Variants in CNTNAP2 observed in about 807,000 individuals in gnomAD.
The protein encoded by CNTNAP2 is contactin associated protein 2.
In CNTNAP2, 98 loss-of-function variants were observed where a neutral mutation model predicts 155.2. That is an observed-to-expected ratio of 0.63 (90% CI 0.54 to 0.75). The LOEUF (loss-of-function observed/expected upper bound fraction) is 0.75, where lower values mean the gene tolerates loss of function less well. CNTNAP2 is among the 30% of genes least tolerant of loss of function. CNTNAP2 has a pLI of 0.00. For synonymous variants in CNTNAP2, 651 were observed against 631.2 expected (o/e 1.03, Z -0.47); for missense variants, 1,727 against 1,688.1 (o/e 1.02, Z -0.40).
intron 1 of CNTNAP2, among the ~76,000 whole-genome samples, chr7:146,432,199 A>C (rs934850041): frequency 3.3e-5 from 5 of 152,180 alleles, no homozygotes; most frequent in African/African-American, 1.2e-4. Context: ...AACATATTTG[A>C]ATCAGATGAT....
chr7:147,600,102 C>T (rs539159663), intron 12 of CNTNAP2, among the ~76,000 whole-genome samples: 1 of 152,328 alleles, frequency 6.6e-6, no homozygotes, highest in African/African-American at 2.4e-5. Context: ...ATGCTTTCCT[C>T]ATGCAGGAAA....
At position 147,384,850 on chromosome 7, in the gene CNTNAP2, A is replaced by T. The variant is rs945246334; in HGVS notation, c.1499-10759A>T. On this transcript the variant is annotated intron_variant, in intron 9 of 23. Coordinates refer to ENST00000361727, the MANE Select transcript of CNTNAP2 (RefSeq NM_014141.6). ...CCACTACTGTACCCTTCACCCAGAGACCTCCTTCAACGTTTGTTACTTGTT... is the reference window on the plus strand; with the variant it reads ...CCACTACTGTACCCTTCACCCAGAGTCCTCCTTCAACGTTTGTTACTTGTT... Among the ~76,000 whole-genome samples, 4 of 152,070 alleles carry T rather than the reference A, an allele frequency of 2.6e-5. No homozygotes were observed. In the South Asian group the frequency reaches 8.3e-4, roughly 32 times the overall value.
At chr7:147,331,741 A>T (rs1044014224) in intron 9 of CNTNAP2, among the ~76,000 whole-genome samples, 5 of 152,212 alleles carry the variant, frequency 3.3e-5, no homozygotes, top group African/African-American at 1.2e-4. Flanking sequence ...ATAAAGACTC[A>T]TCGAGATTAC....
At chr7:146,896,104 T>G (rs773043813) in intron 3 of CNTNAP2, among the ~76,000 whole-genome samples, 1 of 152,054 alleles carries the variant, frequency 6.6e-6, no homozygotes, top group Non-Finnish European at 1.5e-5. Flanking sequence ...TGCAGACAAA[T>G]TTAAATCTGA....
intron 3 of CNTNAP2, among the ~76,000 whole-genome samples, chr7:146,920,510 G>A (rs1796479232): frequency 6.6e-6 from 1 of 151,304 alleles, no homozygotes; most frequent in African/African-American, 2.4e-5. Context: ...ATCACTTTTT[G>A]TCCCATAAAT....
intron 22 of CNTNAP2, among the ~76,000 whole-genome samples, chr7:148,395,121 C>CG (rs1423004742): frequency 2.4e-5 from 3 of 123,980 alleles, no homozygotes; most frequent in African/African-American, 1.2e-4. Context: ...TTCTGTTGAC[C>CG]CCCCCCCCTT....
In CNTNAP2 at chr7:147,018,117, T is replaced by C. The variant is rs1470780171; in HGVS notation, c.403-25790T>C. Among the ~76,000 whole-genome samples the C allele has an allele frequency of 5.3e-5, 8 of 152,258 alleles. No homozygotes were observed. The East Asian group carries it at 1.5e-3, about 29-fold the overall frequency. On this transcript the variant is annotated intron_variant, in intron 3 of 23. Coordinates refer to ENST00000361727, the MANE Select transcript of CNTNAP2 (RefSeq NM_014141.6). ...TGTAAACAAGTTTGTTAGATAATTC[T>C]TCAGTATGATAAGGCACTTAGTAAT...
At chr7:147,695,419 T>A (rs1052622742) in intron 13 of CNTNAP2, among the ~76,000 whole-genome samples, 4 of 152,200 alleles carry the variant, frequency 2.6e-5, no homozygotes, top group Admixed American at 6.5e-5. Context: ...TCTGTTAATT[T>A]ATGGATGAAG....
chr7:146,234,312 T>G (rs1251019687), intron 1 of CNTNAP2, among the ~76,000 whole-genome samples: 3 of 152,218 alleles, frequency 2.0e-5, no homozygotes, highest in Non-Finnish European at 4.4e-5. Context: ...TTGATGGGGT[T>G]GTTTTTTTCT....
rs568306785 is a variant in CNTNAP2 at position 147,289,678 on chromosome 7, T to C, written c.1349-10463T>C. Among the ~76,000 whole-genome samples, 51 of 152,340 alleles carry C rather than the reference T, an allele frequency of 3.3e-4. 1 individual carries two copies. The highest frequency in any genetic ancestry group is 1.1e-3 in the African/African-American group (44 of 41,584). ...TTTGAAGTATAGTGATGTTTGTCTT[T>C]TGGCTAGGAATCAGTAATGGTTGAA... On this transcript the variant is annotated intron_variant, in intron 8 of 23. Transcript: ENST00000361727.
At chr7:146,848,010 A>G (rs150132691) in intron 3 of CNTNAP2, among the ~76,000 whole-genome samples, 1 of 152,322 alleles carries the variant, frequency 6.6e-6, no homozygotes, top group Admixed American at 6.5e-5. Context: ...TGAAAAGGGT[A>G]GGATAAGAAG....
intron 3 of CNTNAP2, among the ~76,000 whole-genome samples, chr7:146,979,916 A>G (rs1797981751): frequency 6.6e-6 from 1 of 152,230 alleles, no homozygotes; most frequent in Non-Finnish European, 1.5e-5. Context: ...AGTTTAACCT[A>G]AGTCATGTTA....
At chr7:146,645,520 C>T (rs1008476371) in intron 1 of CNTNAP2, among the ~76,000 whole-genome samples, 16 of 152,062 alleles carry the variant, frequency 1.1e-4, no homozygotes, top group African/African-American at 3.9e-4. Context: ...GGGAACATCC[C>T]TGTGGGTATG....
At chr7:147,310,970 C>G (rs1795113432) in intron 9 of CNTNAP2, among the ~76,000 whole-genome samples, 1 of 152,126 alleles carries the variant, frequency 6.6e-6, no homozygotes, top group Non-Finnish European at 1.5e-5. Flanking sequence ...CCAAAGCCAC[C>G]TAACCAGAAT....
intron 10 of CNTNAP2, among the ~76,000 whole-genome samples, chr7:147,427,572 G>C (rs1797399750): frequency 6.6e-6 from 1 of 152,142 alleles, no homozygotes; most frequent in South Asian, 2.1e-4. Flanking sequence ...CAGAGATTGG[G>C]TGTTTTAGTG....
chr7:148,411,784 G>A (rs1312062042), intron 23 of CNTNAP2, among the ~76,000 whole-genome samples: 10 of 145,138 alleles, frequency 6.9e-5, no homozygotes, highest in South Asian at 2.2e-4. Flanking sequence ...ACCATTTGTT[G>A]AAAAAAAAAA....
In CNTNAP2 at chr7:146,474,543, C is replaced by T. The variant is rs114553374; in HGVS notation, c.98-299728C>T. ...CATTGGAGGGAGTTGGCATTCTATG[C>T]TGTTATATTTCCTGTGTTATATACA... is the stretch of plus-strand genomic sequence containing the variant. On this transcript the variant is annotated intron_variant, in intron 1 of 23. Coordinates refer to ENST00000361727, the MANE Select transcript of CNTNAP2 (RefSeq NM_014141.6). Among the ~76,000 whole-genome samples, 282 of 151,658 alleles carry T rather than the reference C, an allele frequency of 1.9e-3. 1 individual carries two copies. The highest frequency in any genetic ancestry group is 6.1e-3 in the African/African-American group (251 of 41,430).
intron 1 of CNTNAP2, among the ~76,000 whole-genome samples, chr7:146,196,478 T>A (rs750966449): frequency 2.6e-5 from 4 of 151,780 alleles, no homozygotes; most frequent in Non-Finnish European, 4.4e-5. Flanking sequence ...TCCCAAAATG[T>A]TTTGTTGATT....
At chr7:148,122,928 G>C (rs1462324050) in intron 16 of CNTNAP2, among the ~76,000 whole-genome samples, 1 of 152,168 alleles carries the variant, frequency 6.6e-6, no homozygotes, top group Non-Finnish European at 1.5e-5. Flanking sequence ...ACTCGTGAGG[G>C]TTAAGTGGAC....
Sources: allele counts gnomAD v4.1 joint callset (sites outside exome capture counted in the v4.1 genomes callset), GRCh38; gene constraint gnomAD v4.1.1; transcripts MANE v1.5; gene names NCBI Gene and HGNC (gene_info 2026-07-23, HGNC 2026-07-21).